PAK1: variants seen among roughly 807,000 people sequenced by gnomAD.
PAK1 encodes the protein serine/threonine-protein kinase PAK 1.
Under a neutral mutation model 67.4 loss-of-function variants are expected in PAK1, and 29 were observed. That is an observed-to-expected ratio of 0.43 (90% CI 0.32 to 0.59). PAK1 has a LOEUF of 0.59. Ranked by LOEUF, PAK1 falls within the 20% of genes least tolerant of loss-of-function variation. The pLI, the probability that PAK1 is intolerant of heterozygous loss-of-function variation, is 0.07. For synonymous variants in PAK1, 223 were observed against 237.4 expected (o/e 0.94, Z 0.56); for missense variants, 337 against 670.7 (o/e 0.50, Z 5.50).
intron 9 of PAK1, among the ~76,000 whole-genome samples, chr11:77,344,513 T>C (rs548159482): frequency 2.9e-4 from 44 of 152,300 alleles, no homozygotes; most frequent in African/African-American, 1.0e-3. Flanking sequence ...AACATGAATA[T>C]ATGGTATACG....
intron 5 of PAK1, among the ~76,000 whole-genome samples, chr11:77,366,116 T>C (rs1188415758): frequency 1.3e-5 from 2 of 152,066 alleles, no homozygotes; most frequent in African/African-American, 4.8e-5. Flanking sequence ...AACAAAACTA[T>C]CCTTCAAAAT....
At chr11:77,413,554 G>C (rs930595334) in intron 1 of PAK1, among the ~76,000 whole-genome samples, 1 of 152,040 alleles carries the variant, frequency 6.6e-6, no homozygotes, top group Non-Finnish European at 1.5e-5. Context: ...ATGGTGGCAG[G>C]CACCTGTAAT....
chr11:77,340,680 A>G lies in PAK1; in HGVS notation c.1082T>C (p.Met361Thr). 6.2e-7 allele frequency: 1 copy of G among 1,609,834 alleles called. No individual in the cohort carries two copies. Among genetic ancestry groups the G allele is most frequent in the Non-Finnish European group, 8.5e-7 (1 of 1,176,056 alleles). Residue 361 changes from methionine (M) to threonine (T), a missense_variant, in exon 11 of 15, where the codon ATG (methionine) becomes ACG (threonine). Physicochemically the swap from Met to Thr is moderately conservative, Grantham distance 81. Coordinates refer to ENST00000356341, the MANE Select transcript of PAK1 (RefSeq NM_002576.5). The stretch of plus-strand genomic sequence containing the variant: ...CACAGCTGCAATTTGGCCTTCATCC[A>G]TGCAAGTTTCTGTCACCACATCTGT... ...SLTDVVTETC[M>T]DEGQIAAVCR...
intron 14 of PAK1, among the ~76,000 whole-genome samples, chr11:77,332,402 A>G (rs558353695): frequency 2.6e-5 from 3 of 115,378 alleles, no homozygotes; most frequent in Non-Finnish European, 3.7e-5. Flanking sequence ...GGGAAGGGAA[A>G]GGAAGGGAAG....
At chr11:77,411,463 T>A (rs753597459) in intron 1 of PAK1, among the ~76,000 whole-genome samples, 6 of 151,290 alleles carry the variant, frequency 4.0e-5, no homozygotes, top group Non-Finnish European at 7.4e-5. Flanking sequence ...AAGCACCACG[T>A]TGGCCACCAA....
At chr11:77,362,465 T>C (rs1946922320) in intron 5 of PAK1, among the ~76,000 whole-genome samples, 1 of 152,214 alleles carries the variant, frequency 6.6e-6, no homozygotes, top group Admixed American at 6.5e-5. Flanking sequence ...TAAGGTTTTA[T>C]GTTGAACTGT....
At chr11:77,357,314 C>T (rs768688096) in intron 6 of PAK1, among the ~76,000 whole-genome samples, 4 of 152,074 alleles carry the variant, frequency 2.6e-5, no homozygotes, top group Non-Finnish European at 5.9e-5. Flanking sequence ...TGGGAGAGAA[C>T]ATTCCAGTAG....
At chr11:77,407,567 C>T (rs1309679342) in intron 1 of PAK1, among the ~76,000 whole-genome samples, 1 of 152,188 alleles carries the variant, frequency 6.6e-6, no homozygotes, top group Non-Finnish European at 1.5e-5. Context: ...ACAATGATAT[C>T]TATATAGCAC....
At chr11:77,381,083 G>C (rs1297455583) in intron 2 of PAK1, among the ~76,000 whole-genome samples, 1 of 150,538 alleles carries the variant, frequency 6.6e-6, no homozygotes, top group Non-Finnish European at 1.5e-5. Flanking sequence ...AAAATGAGAA[G>C]GAAAAAACAA....
At chr11:77,380,953 C>T (rs747969274) in intron 2 of PAK1, among the ~76,000 whole-genome samples, 12 of 152,160 alleles carry the variant, frequency 7.9e-5, no homozygotes, top group Non-Finnish European at 1.6e-4. Context: ...ACACTTGTTA[C>T]CCAGCACCTG....
At chr11:77,385,723 G>A (rs1950363416) in intron 2 of PAK1, among the ~76,000 whole-genome samples, 2 of 152,150 alleles carry the variant, frequency 1.3e-5, no homozygotes, top group African/African-American at 4.8e-5. Context: ...CAGGCGTGGT[G>A]GCAGGTGCCT....
At chr11:77,414,791 G>C (rs1954857200) in intron 1 of PAK1, among the ~76,000 whole-genome samples, 1 of 152,130 alleles carries the variant, frequency 6.6e-6, no homozygotes, top group South Asian at 2.1e-4. Flanking sequence ...ACTATAAAAT[G>C]TCTAAAATAT....
chr11:77,471,882 T>A (rs886363435), intron 1 of PAK1, among the ~76,000 whole-genome samples: 22 of 152,280 alleles, frequency 1.4e-4, no homozygotes, highest in African/African-American at 5.3e-4. Context: ...TTTTACCAAA[T>A]GCCCTGTTAT....
intron 1 of PAK1, among the ~76,000 whole-genome samples, chr11:77,400,218 GAAT>G (rs1368289087): frequency 6.6e-6 from 1 of 152,100 alleles, no homozygotes; most frequent in Non-Finnish European, 1.5e-5. Context: ...CCAGACCACA[GAAT>G]AACATAAATG....
chr11:77,379,040 G>A (rs1397957950), intron 4 of PAK1, among the ~76,000 whole-genome samples: 1 of 152,086 alleles, frequency 6.6e-6, no homozygotes, highest in Non-Finnish European at 1.5e-5. Context: ...TTAAAAAAAC[G>A]TGTGCAGTGA....
intron 8 of PAK1, among the ~76,000 whole-genome samples, chr11:77,349,723 C>T (rs528603544): frequency 7.9e-5 from 12 of 152,176 alleles, no homozygotes; most frequent in Admixed American, 5.2e-4. Flanking sequence ...CTCCATCACC[C>T]TTGGCACGTG....
At chr11:77,441,319 C>G (rs1008572387) in intron 1 of PAK1, among the ~76,000 whole-genome samples, 1 of 152,192 alleles carries the variant, frequency 6.6e-6, no homozygotes, top group African/African-American at 2.4e-5. Context: ...TCCCATACCC[C>G]TTGGGCTAGT....
At chr11:77,355,878 CT>C in intron 6 of PAK1, 36 bp from the exon 7 acceptor site, 1 of 1,484,006 alleles carries the variant, frequency 6.7e-7, no homozygotes, top group East Asian at 2.3e-5. Context: ...CAAGACCAGC[CT>C]TTGTTAGCAT....
At chr11:77,516,838 CAA>C in the PAK1 span, among the ~76,000 whole-genome samples, 1,845 of 95,382 alleles carry the variant, frequency 0.019, 21 homozygotes, top group South Asian at 0.035. Context: ...CCCCATCTCT[CAA>C]AAAAAAAAAA....
Sources: gnomAD v4.1 joint callset for allele counts (sites outside exome capture counted in the v4.1 genomes callset) on GRCh38, gnomAD v4.1.1 for gene constraint, MANE v1.5 for transcripts, NCBI Gene and HGNC (gene_info 2026-07-23, HGNC 2026-07-21) for gene names.